Variants in KHDRBS2 observed in about 807,000 individuals in gnomAD.
KHDRBS2 encodes the protein KH RNA binding domain containing, signal transduction associated 2.
A neutral mutation model predicts 44.3 loss-of-function variants in KHDRBS2; 26 were observed. The ratio of observed to expected loss-of-function variants is 0.59; its 90% CI spans 0.43 to 0.81. The LOEUF is 0.81. KHDRBS2 is among the 40% of genes least tolerant of loss of function. The pLI is 0.00. For missense variants in KHDRBS2, 476 were observed against 433.1 expected (o/e 1.10, Z -0.88); for synonymous variants, 194 against 151.1 (o/e 1.28, Z -2.08).
chr6:61,978,068 GA>G lies in KHDRBS2; in HGVS notation c.480del (p.Pro161LeufsTer18). On this transcript the variant is annotated frameshift_variant, in exon 4 of 9. Coordinates refer to ENST00000281156, the MANE Select transcript of KHDRBS2 (RefSeq NM_152688.4). LOFTEE classifies it high-confidence loss of function. ...HALEEIKKFL[V>X]PDYNDEIRQE... The stretch of plus-strand genomic sequence containing the variant: ...TGTAAAAAATGAAAGACACTTACAG[GA>G]ACCAGGAATTTTTTAATCTCTTCCA... 5 of 1,587,410 alleles carry G rather than the reference GA, an allele frequency of 3.1e-6. No homozygotes were observed. The highest frequency in any genetic ancestry group is 4.3e-6 in the Non-Finnish European group (5 of 1,171,948).
At chr6:61,566,003 G>C in the KHDRBS2 span, among the ~76,000 whole-genome samples, 5,110 of 104,808 alleles carry the variant, frequency 0.049, 276 homozygotes, top group African/African-American at 0.18. Context: ...AATGTGGTGT[G>C]TGTGTGTGTG....
chr6:61,778,078 A>G (rs1782377628), intron 6 of KHDRBS2, among the ~76,000 whole-genome samples: 1 of 152,116 alleles, frequency 6.6e-6, no homozygotes. Context: ...ATAGTATTGG[A>G]AGTCCTAGCC....
intron 3 of KHDRBS2, among the ~76,000 whole-genome samples, chr6:62,035,660 G>A (rs1276158552): frequency 6.6e-6 from 1 of 151,968 alleles, no homozygotes; most frequent in East Asian, 1.9e-4. Context: ...TGGATTGTTT[G>A]TAATACAAAG....
chr6:62,058,258 C>T (rs1790754435), intron 2 of KHDRBS2, among the ~76,000 whole-genome samples: 1 of 151,874 alleles, frequency 6.6e-6, no homozygotes, highest in Non-Finnish European at 1.5e-5. Context: ...AATTCCTGAA[C>T]AGCCAATCTC....
At chr6:62,080,309 A>T (rs1306784585) in intron 2 of KHDRBS2, among the ~76,000 whole-genome samples, 1 of 152,118 alleles carries the variant, frequency 6.6e-6, no homozygotes, top group African/African-American at 2.4e-5. Flanking sequence ...AAACCTCTAT[A>T]GACAAATCTA....
intron 7 of KHDRBS2, among the ~76,000 whole-genome samples, chr6:61,723,557 A>G (rs1396686878): frequency 1.3e-5 from 2 of 151,904 alleles, no homozygotes; most frequent in East Asian, 3.9e-4. Context: ...TCAAAAACAA[A>G]CAAACAAACA....
At chr6:61,804,385 G>T (rs1247607208) in intron 6 of KHDRBS2, among the ~76,000 whole-genome samples, 1 of 152,098 alleles carries the variant, frequency 6.6e-6, no homozygotes, top group East Asian at 1.9e-4. Flanking sequence ...CTGTGTTCAT[G>T]GGCTGGCATT....
At chr6:61,982,003 C>A (rs1030332065) in intron 3 of KHDRBS2, among the ~76,000 whole-genome samples, 2 of 152,070 alleles carry the variant, frequency 1.3e-5, no homozygotes, top group African/African-American at 4.8e-5. Flanking sequence ...ACAGAAACCA[C>A]CAAAATCCTT....
chr6:62,255,510 A>T (rs1461814872), intron 1 of KHDRBS2, among the ~76,000 whole-genome samples: 2 of 144,958 alleles, frequency 1.4e-5, no homozygotes, highest in Non-Finnish European at 3.0e-5. Flanking sequence ...CAGAGCAGGG[A>T]GTCGAACTCT....
chr6:62,014,198 A>G (rs1032792773), intron 3 of KHDRBS2, among the ~76,000 whole-genome samples: 5 of 152,186 alleles, frequency 3.3e-5, no homozygotes, highest in African/African-American at 4.8e-5. Flanking sequence ...TCTACTCTCA[A>G]TGAGTTCTTC....
chr6:62,232,598 T>G (rs188927611), intron 1 of KHDRBS2, among the ~76,000 whole-genome samples: 2 of 152,082 alleles, frequency 1.3e-5, no homozygotes, highest in Non-Finnish European at 2.9e-5. Context: ...ATTTAAAATA[T>G]GCAAATGTAC....
intron 6 of KHDRBS2, among the ~76,000 whole-genome samples, chr6:61,797,792 T>C (rs533051225): frequency 6.6e-6 from 1 of 151,510 alleles, no homozygotes; most frequent in East Asian, 1.9e-4. Flanking sequence ...ATAATTTATA[T>C]ATTATATTGA....
chr6:61,671,179 AC>A, the KHDRBS2 span, among the ~76,000 whole-genome samples: 1 of 151,646 alleles, frequency 6.6e-6, no homozygotes, highest in Non-Finnish European at 1.5e-5. Flanking sequence ...ACGTTTTTCT[AC>A]TGATGTAAGT....
the KHDRBS2 span, among the ~76,000 whole-genome samples, chr6:61,603,157 C>A: frequency 6.6e-6 from 1 of 152,146 alleles, no homozygotes. Context: ...TACAGCATGG[C>A]CTTTTAAAGC....
the KHDRBS2 span, among the ~76,000 whole-genome samples, chr6:61,610,320 T>A: frequency 6.6e-6 from 1 of 152,208 alleles, no homozygotes; most frequent in Non-Finnish European, 1.5e-5. Flanking sequence ...TTAAAAGAGA[T>A]TTGCTTCATA....
intron 1 of KHDRBS2, among the ~76,000 whole-genome samples, chr6:62,209,391 T>C (rs9454634): frequency 0.036 from 5,435 of 152,296 alleles, 318 homozygotes; most frequent in African/African-American, 0.12. Flanking sequence ...TTCATTTTTG[T>C]GATTTACAGC....
chr6:61,817,386 T>G (rs1023328425), intron 6 of KHDRBS2, among the ~76,000 whole-genome samples: 1 of 152,096 alleles, frequency 6.6e-6, no homozygotes, highest in African/African-American at 2.4e-5. Context: ...TTAATTTCAT[T>G]GCTGTACCAT....
At chr6:62,107,888 C>T (rs1286501992) in intron 2 of KHDRBS2, among the ~76,000 whole-genome samples, 1 of 152,110 alleles carries the variant, frequency 6.6e-6, no homozygotes, top group African/African-American at 2.4e-5. Context: ...ACTTGTTAGC[C>T]ATATGTAGAA....
chr6:61,686,568 T>A (rs992467701), intron 8 of KHDRBS2, among the ~76,000 whole-genome samples: 1 of 151,770 alleles, frequency 6.6e-6, no homozygotes, highest in Non-Finnish European at 1.5e-5. Context: ...CTATCATATT[T>A]TAAAAAACTC....
Sources: allele counts gnomAD v4.1 joint callset (sites outside exome capture counted in the v4.1 genomes callset), GRCh38; gene constraint gnomAD v4.1.1; transcripts MANE v1.5; gene names NCBI Gene and HGNC (gene_info 2026-07-23, HGNC 2026-07-21).